PDCD2L: variants seen among roughly 807,000 people sequenced by gnomAD.
The protein encoded by PDCD2L is programmed cell death 2 like, also known as uS5 assembly chaperone PDCD2L.
PDCD2L carries 44 observed loss-of-function variants against 40.4 expected under a neutral mutation model. The ratio of observed to expected loss-of-function variants is 1.09; its 90% confidence interval spans 0.86 to 1.40. The LOEUF (loss-of-function observed/expected upper bound fraction) is 1.40, where lower values mean the gene tolerates loss of function less well. Among genes scored for constraint, PDCD2L ranks in the 40% most tolerant of loss-of-function variants. The probability of loss-of-function intolerance (pLI) is 0.00; values close to 1 mark genes in which losing one functional copy is unlikely to be tolerated. For missense variants in PDCD2L, 470 were observed against 453.7 expected, an observed-to-expected ratio of 1.04 and a Z score of -0.33; for synonymous variants, 194 against 174.6, an observed-to-expected ratio of 1.11 and a Z score of -0.88.
chr19:34,418,175 G>A (rs1457379573), intron 5 of PDCD2L, among the ~76,000 whole-genome samples: 2 of 152,188 alleles, frequency 1.3e-5, no homozygotes, highest in East Asian at 3.8e-4. Context: ...TTTACAGTGT[G>A]CACTTTGATA....
chr19:34,407,469 C>T (rs2075082149), intron 3 of PDCD2L, among the ~76,000 whole-genome samples: 1 of 149,590 alleles, frequency 6.7e-6, no homozygotes. Context: ...CCACTCTACT[C>T]TCTACTTCTT....
chr19:34,404,926 G>C lies in PDCD2L; in HGVS notation c.276-4G>C. 1 of 1,614,108 alleles carries C rather than the reference G, an allele frequency of 6.2e-7. No homozygotes were observed. Among genetic ancestry groups the C allele is most frequent in the South Asian group, 1.1e-5 (1 of 91,090 alleles). On this transcript the variant is annotated splice_region_variant and splice_polypyrimidine_tract_variant and intron_variant, in intron 2 of 6. Transcript: ENST00000246535. ...CCTCACGGCCCTTTGTCTTCACCCCGAAGCTGGAAGGTGTTCCGCTCCCAG... is the reference window on the plus strand; with the variant it reads ...CCTCACGGCCCTTTGTCTTCACCCCCAAGCTGGAAGGTGTTCCGCTCCCAG...
At chr19:34,407,663 A>G (rs1248875678) in intron 3 of PDCD2L, among the ~76,000 whole-genome samples, 1 of 152,032 alleles carries the variant, frequency 6.6e-6, no homozygotes, top group African/African-American at 2.4e-5. Flanking sequence ...TTAAACTTAC[A>G]CTGAAGGTCT....
At chr19:34,407,089 G>A (rs182233657) in intron 3 of PDCD2L, among the ~76,000 whole-genome samples, 2 of 151,826 alleles carry the variant, frequency 1.3e-5, no homozygotes, top group African/African-American at 4.8e-5. Flanking sequence ...CACCCGCCTC[G>A]GCCTCCCAAA....
intron 4 of PDCD2L, 70 bp from the exon 5 acceptor site, chr19:34,413,667 G>GT (rs2075114367): frequency 1.0e-6 from 1 of 981,478 alleles, no homozygotes; most frequent in Non-Finnish European, 1.6e-6. Flanking sequence ...AAATTATCTT[G>GT]TTTTGTCTTG....
Position 34,404,439 on chromosome 19 carries a change from C to A in PDCD2L, c.9C>A (p.Ala3=), listed in dbSNP as rs1484707225. MA[A]VLKPVLLGLR... is the part of the protein sequence containing the mutation. Reference sequence around the variant, plus strand: ...CTGGTCGCCCGGCGGCCATGGCGGCCGTTCTGAAGCCGGTGCTGCTGGGCC... The same window carrying A: ...CTGGTCGCCCGGCGGCCATGGCGGCAGTTCTGAAGCCGGTGCTGCTGGGCC... Residue 3 remains alanine, a synonymous_variant, in exon 1 of 7, where the codon GCC becomes GCA. Transcript: ENST00000246535. 3.2e-6 allele frequency: 5 copies of A among 1,542,798 alleles called. No homozygotes were observed. The highest frequency in any genetic ancestry group is 4.4e-6 in the Non-Finnish European group (5 of 1,144,844).
rs376566368 is a variant in PDCD2L at position 34,409,344 on chromosome 19, G to A, written c.520G>A (p.Ala174Thr). 2.5e-6 allele frequency: 4 copies of A among 1,613,860 alleles called. No homozygotes were observed. Among genetic ancestry groups the A allele is most frequent in the Admixed American group, 1.7e-5 (1 of 59,978 alleles). ...CCGCCTGCAGGATGCTGTCCTGGGTGCTGCCCATCCTGTGCCTCCTGGGCT... is the reference window on the plus strand; with the variant it reads ...CCGCCTGCAGGATGCTGTCCTGGGTACTGCCCATCCTGTGCCTCCTGGGCT... ...DLRLQDAVLG[A>T]AHPVPPGLPL... The change falls in exon 4 of 7, where the codon GCT becomes ACT. Residue 174 changes from alanine (A) to threonine (T), a missense_variant. Physicochemically the swap from Ala to Thr is moderately conservative, Grantham distance 58. Coordinates refer to ENST00000246535, the MANE Select transcript of PDCD2L (RefSeq NM_032346.2).
chr19:34,409,133 G>A (rs777950555), intron 3 of PDCD2L, 28 bp from the exon 4 acceptor site: 8 of 1,592,080 alleles, frequency 5.0e-6, no homozygotes, highest in African/African-American at 4.0e-5. Context: ...AAATGTGCTC[G>A]GACCTCATTC....
At chr19:34,412,992 G>A (rs1038334212) in intron 4 of PDCD2L, among the ~76,000 whole-genome samples, 3 of 151,966 alleles carry the variant, frequency 2.0e-5, no homozygotes, top group African/African-American at 7.2e-5. Context: ...CGCCTGCCTC[G>A]GCCTCCCAAA....
intron 3 of PDCD2L, among the ~76,000 whole-genome samples, chr19:34,407,707 G>A (rs186838794): frequency 3.9e-5 from 6 of 151,980 alleles, no homozygotes; most frequent in Admixed American, 3.9e-4. Flanking sequence ...TCCTGTTTGG[G>A]AATATATATG....
rs767078917 is a variant in PDCD2L at position 34,421,521 on chromosome 19, A to G, written c.800A>G (p.Tyr267Cys). 2 of 1,613,822 alleles carry G rather than the reference A, an allele frequency of 1.2e-6. No individual in the cohort carries two copies. The highest frequency in any genetic ancestry group is 1.7e-6 in the Non-Finnish European group (2 of 1,179,916). The change falls in exon 6 of 7, where the codon TAT (tyrosine) becomes TGT (cysteine). Residue 267 changes from tyrosine (Y) to cysteine (C), a missense_variant and splice_region_variant. Coordinates refer to ENST00000246535, the MANE Select transcript of PDCD2L (RefSeq NM_032346.2). ...GGTTCTTTGTTTCCTTGTCCTAGGTATTCCTGGAGTGGAGAGCCACTCTTT... is the reference window on the plus strand; with the variant it reads ...GGTTCTTTGTTTCCTTGTCCTAGGTGTTCCTGGAGTGGAGAGCCACTCTTT... ...IAACQEQILR[Y>C]SWSGEPLFLT...
rs1208215953 is a variant in PDCD2L, at chr19:34,409,466, T to C, written c.642T>C (p.Tyr214=). The C allele has an allele frequency of 6.2e-7, 1 of 1,614,148 alleles. No individual in the cohort carries two copies. The highest frequency in any genetic ancestry group is 8.5e-7 in the Non-Finnish European group (1 of 1,180,024). ...LDHAHSLLRD[Y]QQREGIAMDQ... Reference sequence around the variant, plus strand: ...ATGCCCACAGCCTTCTGAGGGACTATCAGCAGAGAGAAGGCATTGCCATGG... The same window carrying C: ...ATGCCCACAGCCTTCTGAGGGACTACCAGCAGAGAGAAGGCATTGCCATGG... Residue 214 remains tyrosine (Y), a synonymous_variant, in exon 4 of 7, where the codon TAT becomes TAC. Transcript: ENST00000246535.
chr19:34,406,343 A>C (rs529871410), intron 3 of PDCD2L, among the ~76,000 whole-genome samples: 2 of 152,272 alleles, frequency 1.3e-5, no homozygotes, highest in East Asian at 3.9e-4. Flanking sequence ...TCTTGTGAGA[A>C]CATTTGAAAT....
intron 6 of PDCD2L, 33 bp from the exon 7 acceptor site, chr19:34,425,957 T>C: frequency 6.3e-7 from 1 of 1,599,200 alleles, no homozygotes; most frequent in Non-Finnish European, 8.5e-7. Context: ...ATAACTCTTT[T>C]TGCTGGAAGC....
chr19:34,404,692 G>A lies in PDCD2L; in HGVS notation c.152G>A (p.Arg51His). The change falls in exon 2 of 7, where the codon CGC becomes CAC. Residue 51 changes from arginine (R) to histidine (H), a missense_variant. Arg to His is a conservative substitution (Grantham distance 29). Coordinates refer to ENST00000246535, the MANE Select transcript of PDCD2L (RefSeq NM_032346.2). ...GCTGCGCCCAGGCCCGTGTGTCAGC[G>A]CTGCGGGCAGCCGCTCGCTCTGGTC... Reference protein sequence around the residue: ...TVAAPRPVCQRCGQPLALVVQ... With the variant: ...TVAAPRPVCQHCGQPLALVVQ... The A allele has an allele frequency of 1.2e-6, 2 of 1,612,012 alleles. No homozygotes were observed. Among genetic ancestry groups the A allele is most frequent in the Non-Finnish European group, 8.5e-7 (1 of 1,179,806 alleles).
chr19:34,405,139 T>G, intron 3 of PDCD2L, 149 bp downstream of exon 3: 1 of 567,892 alleles, frequency 1.8e-6, no homozygotes, highest in Non-Finnish European at 2.8e-6. Flanking sequence ...GCTATTTTCG[T>G]AAAGTTTTTT....
chr19:34,406,453 TC>T (rs2075076238), intron 3 of PDCD2L, among the ~76,000 whole-genome samples: 1 of 151,860 alleles, frequency 6.6e-6, no homozygotes, highest in African/African-American at 2.4e-5. Flanking sequence ...TGGCGCCGTC[TC>T]TGCTCACTGC....
Position 34,409,249 on chromosome 19 carries a change from T to C in PDCD2L, c.425T>C (p.Phe142Ser). 1 of 1,614,092 alleles carries C rather than the reference T, an allele frequency of 6.2e-7. No individual in the cohort carries two copies. The highest frequency in any genetic ancestry group is 8.5e-7 in the Non-Finnish European group (1 of 1,180,024). The change falls in exon 4 of 7, where the codon TTT becomes TCT. Residue 142 changes from phenylalanine (F) to serine (S), a missense_variant. Physicochemically the swap from Phe to Ser is radical, Grantham distance 155. Coordinates refer to ENST00000246535, the MANE Select transcript of PDCD2L (RefSeq NM_032346.2). ...ACTGAGGAGGGGCCTTCACCACAGT[T>C]TACCTTGGATTTTGGGAATGATGCC... is the stretch of plus-strand genomic sequence containing the variant. Reference protein sequence around the residue: ...SDTEEGPSPQFTLDFGNDASS... With the variant: ...SDTEEGPSPQSTLDFGNDASS...
chr19:34,406,117 G>A (rs2075073987), intron 3 of PDCD2L, among the ~76,000 whole-genome samples: 2 of 152,178 alleles, frequency 1.3e-5, no homozygotes, highest in African/African-American at 4.8e-5. Flanking sequence ...ACTCCGGCCT[G>A]GGCCACAAAG....
Sources: gnomAD v4.1 joint callset for allele counts (sites outside exome capture counted in the v4.1 genomes callset) on GRCh38, gnomAD v4.1.1 for gene constraint, MANE v1.5 for transcripts, NCBI Gene and HGNC (gene_info 2026-07-23, HGNC 2026-07-21) for gene names.